Variants in TTC6 observed in about 807,000 individuals in gnomAD.
The protein encoded by TTC6 is tetratricopeptide repeat domain 6, also known as tetratricopeptide repeat protein 6.
Under a neutral mutation model 210.4 loss-of-function variants are expected in TTC6, and 172 were observed. That is an observed-to-expected ratio of 0.82 (90% CI 0.72 to 0.93). TTC6 has a LOEUF of 0.93. Ranked by LOEUF, TTC6 falls within the 40% of genes least tolerant of loss-of-function variation. The pLI, the probability that TTC6 is intolerant of heterozygous loss-of-function variation, is 0.00. For missense variants in TTC6, 2,414 were observed against 2,318.1 expected, an observed-to-expected ratio of 1.04 and a Z score of -0.85; for synonymous variants, 804 against 819.6, an observed-to-expected ratio of 0.98 and a Z score of 0.32.
chr14:37,622,613 G>A (rs1369260230), exon 1 of TTC6: 10 of 1,534,758 alleles, frequency 6.5e-6, no homozygotes, highest in Non-Finnish European at 8.7e-6. Context: ...ACTTGGGAAG[G>A]GAGCGCGAAC....
At chr14:37,808,358 A>G (rs2096122989) in intron 23 of TTC6, among the ~76,000 whole-genome samples, 1 of 152,210 alleles carries the variant, frequency 6.6e-6, no homozygotes, top group Non-Finnish European at 1.5e-5. Context: ...TATGGTAGTC[A>G]GAGTGACAGA....
At chr14:37,769,225 T>C (rs1349057274) in intron 14 of TTC6, among the ~76,000 whole-genome samples, 3 of 151,968 alleles carry the variant, frequency 2.0e-5, no homozygotes, top group Non-Finnish European at 2.9e-5. Flanking sequence ...TGAGGATTTT[T>C]GCATCAATGT....
At chr14:37,611,302 C>G (rs2095634047) in intron 2 of TTC6, 1 of 152,242 alleles carries the variant, frequency 6.6e-6, no homozygotes, top group Non-Finnish European at 1.5e-5. Flanking sequence ...GGACACTCGC[C>G]GAGCGGCGGG....
chr14:37,635,644 CTA>C (rs2095678740), intron 1 of TTC6, among the ~76,000 whole-genome samples: 1 of 152,062 alleles, frequency 6.6e-6, no homozygotes, highest in Admixed American at 6.6e-5. Context: ...CCAGGAGTGG[CTA>C]TATCAATACC....
chr14:37,655,589 C>G (rs2095720871), intron 1 of TTC6, among the ~76,000 whole-genome samples: 1 of 152,118 alleles, frequency 6.6e-6, no homozygotes, highest in Non-Finnish European at 1.5e-5. Context: ...CTTCCCTGTT[C>G]TAGATTTTTA....
intron 1 of TTC6, among the ~76,000 whole-genome samples, chr14:37,643,145 T>A (rs2095695226): frequency 6.6e-6 from 1 of 152,068 alleles, no homozygotes. Context: ...TTGTCTTTAC[T>A]AAAAATACAA....
intron 2 of TTC6, chr14:37,611,121 G>A (rs2095633573): frequency 6.6e-6 from 1 of 152,386 alleles, no homozygotes; most frequent in East Asian, 1.9e-4. Flanking sequence ...GGTCCCGCAA[G>A]GCGGGTGCAC....
At chr14:37,685,290 G>A (rs2095791596) in intron 3 of TTC6, among the ~76,000 whole-genome samples, 1 of 152,106 alleles carries the variant, frequency 6.6e-6, no homozygotes, top group South Asian at 2.1e-4. Flanking sequence ...GTAATCTATT[G>A]CATTTAGAGT....
At chr14:37,737,841 C>G (rs541605139) in intron 9 of TTC6, 107 bp downstream of exon 11, 1 of 569,292 alleles carries the variant, frequency 1.8e-6, no homozygotes, top group East Asian at 3.2e-5. Flanking sequence ...ATTATATTCT[C>G]TAGTCTAATT....
At chr14:37,732,738 C>T (rs1296676007) in intron 7 of TTC6, among the ~76,000 whole-genome samples, 2 of 151,826 alleles carry the variant, frequency 1.3e-5, no homozygotes, top group Admixed American at 6.6e-5. Context: ...CTGCCTCAGC[C>T]TCCCGAGTAG....
At chr14:37,657,399 T>C (rs186746311) in intron 1 of TTC6, among the ~76,000 whole-genome samples, 14 of 151,336 alleles carry the variant, frequency 9.3e-5, no homozygotes, top group African/African-American at 3.1e-4. Flanking sequence ...AAAAAATCTT[T>C]CTTATCTTCC....
At chr14:37,801,391 G>A (rs185244204) in intron 20 of TTC6, among the ~76,000 whole-genome samples, 1 of 152,220 alleles carries the variant, frequency 6.6e-6, no homozygotes, top group East Asian at 1.9e-4. Flanking sequence ...ATTACTGGGG[G>A]CCAGATCATT....
intron 4 of TTC6, among the ~76,000 whole-genome samples, chr14:37,699,547 C>T (rs1238866026): frequency 6.6e-6 from 1 of 152,244 alleles, no homozygotes; most frequent in South Asian, 2.1e-4. Context: ...AATCAATTTG[C>T]TGGGTAAGGG....
chr14:37,799,812 G>T (rs1276756828), intron 20 of TTC6, among the ~76,000 whole-genome samples: 14 of 152,028 alleles, frequency 9.2e-5, no homozygotes, highest in Non-Finnish European at 2.1e-4. Flanking sequence ...AAGAAGAAGA[G>T]AAAAGAAGTT....
At chr14:37,704,643 T>C (rs1167529870) in intron 5 of TTC6, among the ~76,000 whole-genome samples, 1 of 152,050 alleles carries the variant, frequency 6.6e-6, no homozygotes, top group Non-Finnish European at 1.5e-5. Context: ...TTGCCGTATA[T>C]ATTATAGATA....
intron 25 of TTC6, among the ~76,000 whole-genome samples, chr14:37,814,424 TAA>T (rs1340175453): frequency 6.6e-6 from 1 of 151,742 alleles, no homozygotes; most frequent in East Asian, 1.9e-4. Flanking sequence ...AAATGGAATA[TAA>T]AAAAATATTA....
Position 37,751,228 on chromosome 14 carries a change from A to C in TTC6, c.3129+3A>C, listed in dbSNP as rs1360959651. 1 of 1,518,014 alleles carries C rather than the reference A, an allele frequency of 6.6e-7. No individual in the cohort carries two copies. The highest frequency in any genetic ancestry group is 8.8e-7 in the Non-Finnish European group (1 of 1,137,518). 94.0% of individuals were successfully genotyped at this position (1,518,014 alleles called of 1,614,324 possible). ...TGGCCATTGATGACTTTTCGAAAGT[A>C]AGCTTTATCACATATAATTCTACCA... On this transcript the variant is annotated splice_donor_region_variant and intron_variant, in intron 13 of 30. Transcript: ENST00000553443.
chr14:37,684,247 AT>A (rs2095789791), intron 3 of TTC6, among the ~76,000 whole-genome samples: 1 of 152,240 alleles, frequency 6.6e-6, no homozygotes, highest in African/African-American at 2.4e-5. Flanking sequence ...TTATGTCTGA[AT>A]TAATGCAGTG....
chr14:37,726,228 AAAGTT>A (rs2095872833), intron 7 of TTC6, among the ~76,000 whole-genome samples: 1 of 152,190 alleles, frequency 6.6e-6, no homozygotes, highest in South Asian at 2.1e-4. Flanking sequence ...ATAAAACAAA[AAAGTT>A]AAAGAAATTG....
Sources: allele counts gnomAD v4.1 joint callset (sites outside exome capture counted in the v4.1 genomes callset), GRCh38; gene constraint gnomAD v4.1.1; transcripts MANE v1.5; gene names NCBI Gene and HGNC (gene_info 2026-07-23, HGNC 2026-07-21).